The following CNTNAP2 variants were observed in gnomAD, a reference collection of about 807,000 sequenced individuals.
CNTNAP2 encodes contactin-associated protein-like 2.
CNTNAP2 carries 98 observed loss-of-function variants against 155.2 expected under a neutral mutation model. That is an observed-to-expected ratio of 0.63 (90% confidence interval 0.54 to 0.75). The LOEUF (loss-of-function observed/expected upper bound fraction) is 0.75, where lower values mean the gene tolerates loss of function less well. CNTNAP2 is among the 30% of genes least tolerant of loss of function. CNTNAP2 has a pLI of 0.00. For synonymous variants in CNTNAP2, 651 were observed against 631.2 expected (o/e 1.03, Z -0.47); for missense variants, 1,727 against 1,688.1 (o/e 1.02, Z -0.40).
rs548326610 is a variant in CNTNAP2, at chr7:146,542,479, G to C, written c.98-231792G>C. ...CTAGACTTGTGTTCTAAAGACAACT[G>C]TTCCAGTAAATCCTCTTTATTTGAA... is the stretch of plus-strand genomic sequence containing the variant. On this transcript the variant is annotated intron_variant, in intron 1 of 23. Coordinates refer to ENST00000361727, the MANE Select transcript of CNTNAP2 (RefSeq NM_014141.6). Among the ~76,000 whole-genome samples, 158 of 151,948 alleles carry C rather than the reference G, an allele frequency of 1.0e-3. 4 individuals are homozygous for C. The highest frequency in any genetic ancestry group is 4.2e-4 in the South Asian group (2 of 4,816).
intron 1 of CNTNAP2, among the ~76,000 whole-genome samples, chr7:146,169,305 G>A (rs2116815654): frequency 6.6e-6 from 1 of 152,178 alleles, no homozygotes. Context: ...GGTATGTCAA[G>A]AATCTAAAGT....
At chr7:146,905,546 A>G (rs1796102604) in intron 3 of CNTNAP2, among the ~76,000 whole-genome samples, 2 of 152,154 alleles carry the variant, frequency 1.3e-5, no homozygotes, top group Admixed American at 1.3e-4. Flanking sequence ...GAAAGTGTAT[A>G]GAATTTAGAA....
At chr7:146,979,107 T>G (rs1410614051) in intron 3 of CNTNAP2, among the ~76,000 whole-genome samples, 1 of 152,250 alleles carries the variant, frequency 6.6e-6, no homozygotes, top group Non-Finnish European at 1.5e-5. Context: ...CAAGTGACTT[T>G]CCCCCAGTAT....
At chr7:148,216,536 C>T (rs942728381) in intron 18 of CNTNAP2, among the ~76,000 whole-genome samples, 2 of 152,162 alleles carry the variant, frequency 1.3e-5, no homozygotes, top group African/African-American at 4.8e-5. Flanking sequence ...AAAGAGGATG[C>T]CCCTATGGGT....
At chr7:146,605,126 G>A (rs949133153) in intron 1 of CNTNAP2, among the ~76,000 whole-genome samples, 4 of 147,616 alleles carry the variant, frequency 2.7e-5, no homozygotes, top group Admixed American at 6.7e-5. Flanking sequence ...ATATCTTCCC[G>A]CCTTTTACAC....
At chr7:147,472,448 A>C (rs1798241895) in intron 10 of CNTNAP2, among the ~76,000 whole-genome samples, 2 of 151,986 alleles carry the variant, frequency 1.3e-5, no homozygotes, top group Admixed American at 1.3e-4. Flanking sequence ...CCTGACTTCA[A>C]GTGATTCACC....
chr7:147,545,769 A>G (rs1479828136), intron 11 of CNTNAP2, among the ~76,000 whole-genome samples: 1 of 152,178 alleles, frequency 6.6e-6, no homozygotes, highest in African/African-American at 2.4e-5. Flanking sequence ...CATCACTGAT[A>G]TGATTTGACT....
At chr7:146,426,996 A>G (rs571643546) in intron 1 of CNTNAP2, among the ~76,000 whole-genome samples, 34 of 152,302 alleles carry the variant, frequency 2.2e-4, no homozygotes, top group Non-Finnish European at 4.3e-4. Flanking sequence ...TTACTTGTCA[A>G]TGAAAAAAAC....
intron 10 of CNTNAP2, among the ~76,000 whole-genome samples, chr7:147,435,029 C>G (rs998983152): frequency 6.6e-6 from 1 of 152,082 alleles, no homozygotes; most frequent in Non-Finnish European, 1.5e-5. Context: ...TTTGAGGCAA[C>G]AGGACAGTGA....
At chr7:146,727,565 G>C (rs898629524) in intron 1 of CNTNAP2, among the ~76,000 whole-genome samples, 1 of 152,046 alleles carries the variant, frequency 6.6e-6, no homozygotes, top group African/African-American at 2.4e-5. Context: ...AAATAATTTG[G>C]ATAGCCTCGT....
intron 3 of CNTNAP2, among the ~76,000 whole-genome samples, chr7:146,942,922 A>G (rs1319824692): frequency 6.6e-6 from 1 of 152,198 alleles, no homozygotes; most frequent in African/African-American, 2.4e-5. Flanking sequence ...AAGGACATTG[A>G]AATGTTTCTA....
chr7:147,464,787 A>C (rs1184191685), intron 10 of CNTNAP2, among the ~76,000 whole-genome samples: 1 of 152,348 alleles, frequency 6.6e-6, no homozygotes, highest in East Asian at 1.9e-4. Flanking sequence ...TGATTTTAAC[A>C]GGCTGTTACC....
intron 11 of CNTNAP2, among the ~76,000 whole-genome samples, chr7:147,538,035 G>A: frequency 6.6e-6 from 1 of 152,162 alleles, no homozygotes; most frequent in East Asian, 1.9e-4. Flanking sequence ...CTGAGTTAGT[G>A]GTGACTGTTT....
chr7:146,639,913 G>A (rs928440744), intron 1 of CNTNAP2, among the ~76,000 whole-genome samples: 4 of 152,208 alleles, frequency 2.6e-5, no homozygotes, highest in African/African-American at 9.6e-5. Flanking sequence ...GCCTGTTCTA[G>A]TAACTATTAT....
In CNTNAP2 at chr7:146,236,844, T is replaced by C. The variant is rs542129257; in HGVS notation, c.97+119871T>C. ...TTAATTAGTCTCCTGGAAATTCTAC[T>C]GTGTGATTTTCTGTTTTTACCTCAC... is the stretch of plus-strand genomic sequence containing the variant. On this transcript the variant is annotated intron_variant, in intron 1 of 23. Transcript: ENST00000361727. Among the ~76,000 whole-genome samples, 11 of 152,264 alleles carry C rather than the reference T, an allele frequency of 7.2e-5. 1 individual carries two copies. The South Asian group carries it at 2.1e-3, about 29-fold the overall frequency.
intron 2 of CNTNAP2, among the ~76,000 whole-genome samples, chr7:146,816,860 C>T (rs577851926): frequency 6.6e-6 from 1 of 152,272 alleles, no homozygotes; most frequent in South Asian, 2.1e-4. Context: ...AAAACATGTG[C>T]AATAGCACTT....
At chr7:146,774,682 T>A (rs1802356977) in intron 2 of CNTNAP2, among the ~76,000 whole-genome samples, 1 of 152,182 alleles carries the variant, frequency 6.6e-6, no homozygotes, top group East Asian at 1.9e-4. Context: ...TTCCTATTAA[T>A]CAGAAAATCA....
intron 1 of CNTNAP2, among the ~76,000 whole-genome samples, chr7:146,562,912 C>A (rs971566334): frequency 1.6e-4 from 24 of 152,018 alleles, no homozygotes; most frequent in African/African-American, 5.6e-4. Flanking sequence ...ATGCAGACGC[C>A]TAAACTACAC....
At position 148,217,164 on chromosome 7, in the gene CNTNAP2, G is replaced by A. The variant is rs1030692992; in HGVS notation, c.3011-124G>A. ...TGATGCAATAGCATCTTTCTCCATA[G>A]AACTTACTCAGATGCCCTTCCTGGA... On this transcript the variant is annotated intron_variant, in intron 18 of 23. Coordinates refer to ENST00000361727, the MANE Select transcript of CNTNAP2 (RefSeq NM_014141.6). 1.4e-5 allele frequency: 12 copies of A among 848,072 alleles called. No homozygotes were observed. In the East Asian group the frequency reaches 2.9e-4, roughly 21 times the overall value. 52.5% of individuals were successfully genotyped at this position (848,072 alleles called of 1,614,324 possible).
Sources: gnomAD v4.1 joint callset for allele counts (sites outside exome capture counted in the v4.1 genomes callset) on GRCh38, gnomAD v4.1.1 for gene constraint, MANE v1.5 for transcripts, NCBI Gene and HGNC (gene_info 2026-07-23, HGNC 2026-07-21) for gene names.